COL6A1: variants seen among roughly 807,000 people sequenced by gnomAD.
COL6A1 encodes collagen alpha-1(VI) chain.
In COL6A1, 80 loss-of-function variants were observed where a neutral mutation model predicts 145.6. That is an observed-to-expected ratio of 0.55 (90% CI 0.46 to 0.66). The LOEUF is 0.66. Ranked by LOEUF, COL6A1 falls within the 30% of genes least tolerant of loss-of-function variation. COL6A1 has a pLI of 0.00. For missense variants in COL6A1, 1,364 were observed against 1,473.8 expected (o/e 0.93, Z 1.22); for synonymous variants, 638 against 622.8 (o/e 1.02, Z -0.36).
chr21:45,987,208 G>T (rs1441856061), intron 6 of COL6A1, 33 bp downstream of exon 6: 1 of 1,588,498 alleles, frequency 6.3e-7, no homozygotes, highest in South Asian at 1.1e-5. Context: ...CCAGCCGTGA[G>T]TCTGCACACG....
At position 45,984,310 on chromosome 21, in the gene COL6A1, C is replaced by T. The variant is rs766517983; in HGVS notation, c.269C>T (p.Ala90Val). ...CDRNLVWNAGALHYSDEVEII... is the reference protein window; with the variant it reads ...CDRNLVWNAGVLHYSDEVEII... ...CGAAACCTGGTGTGGAACGCAGGCGCGCTGCACTACAGTGACGAGGTGGAG... is the reference window on the plus strand; with the variant it reads ...CGAAACCTGGTGTGGAACGCAGGCGTGCTGCACTACAGTGACGAGGTGGAG... The change falls in exon 3 of 35, where the codon GCG becomes GTG. Residue 90 changes from alanine to valine, a missense_variant. By Grantham distance (64) the Ala-to-Val change is moderately conservative. Coordinates refer to ENST00000361866, the MANE Select transcript of COL6A1 (RefSeq NM_001848.3). 77 of 1,611,478 alleles carry T rather than the reference C, an allele frequency of 4.8e-5. 1 individual carries two copies. The South Asian group carries it at 6.3e-4, about 13-fold the overall frequency.
chr21:45,995,987 C>T (rs760315070), intron 20 of COL6A1, among the ~76,000 whole-genome samples: 3 of 152,248 alleles, frequency 2.0e-5, no homozygotes, highest in African/African-American at 7.2e-5. Context: ...CTTACCCCTC[C>T]CCTCCACCCT....
In COL6A1 at chr21:45,984,468, G is replaced by C; in HGVS notation, c.427G>C (p.Gly143Arg). The C allele has an allele frequency of 6.2e-7, 1 of 1,609,360 alleles. No individual in the cohort carries two copies. Among genetic ancestry groups the C allele is most frequent in the African/African-American group, 1.3e-5 (1 of 75,064 alleles). Residue 143 changes from glycine to arginine, a missense_variant and splice_region_variant, in exon 3 of 35, where the codon GGG becomes CGG. Transcript: ENST00000361866. ...IKKGLEQLLVGGSHLKENKYL... is the reference protein window; with the variant it reads ...IKKGLEQLLVRGSHLKENKYL... ...GAAGGGGCTGGAGCAGCTCCTCGTG[G>C]GGTGAGTGGCCCCCAGCCTCCTGCC...
Position 45,994,621 on chromosome 21 carries a change from C to G in COL6A1, c.1398+392C>G, listed in dbSNP as rs929268855. Among the ~76,000 whole-genome samples the G allele has an allele frequency of 1.3e-5, 2 of 152,130 alleles. No individual in the cohort carries two copies. Among genetic ancestry groups the G allele is most frequent in the Non-Finnish European group, 2.9e-5 (2 of 68,022 alleles). ...GCCAGGCATGACTGTGGCTGGAGGT[C>G]AACTGGGGAGTGTGAGGCTATGGAG... On this transcript the variant is annotated intron_variant, in intron 20 of 34. Transcript: ENST00000361866. The surrounding 1 kb of genome is among the most constrained non-coding windows in gnomAD (Gnocchi z 6.8).
intron 4 of COL6A1, 73 bp from the exon 5 acceptor site, chr21:45,986,871 T>C: frequency 6.5e-7 from 1 of 1,533,352 alleles, no homozygotes; most frequent in Non-Finnish European, 8.7e-7. Context: ...GCCTCCCCTC[T>C]GGCCCTGTGG....
chr21:45,997,698 A>G lies in COL6A1; in HGVS notation c.1462-2A>G. 1 of 1,586,260 alleles carries G rather than the reference A, an allele frequency of 6.3e-7. No homozygotes were observed. The highest frequency in any genetic ancestry group is 8.6e-7 in the Non-Finnish European group (1 of 1,166,200). ...CCCCTCACGCCTCCTCTTCCTCCTC[A>G]GGGTGCCAGAGGAGCCCCAGGACCT... is the stretch of plus-strand genomic sequence containing the variant. On this transcript the variant is annotated splice_acceptor_variant, in intron 21 of 34. Coordinates refer to ENST00000361866, the MANE Select transcript of COL6A1 (RefSeq NM_001848.3). LOFTEE classifies it high-confidence loss of function.
chr21:45,990,306 G>A lies in COL6A1; in HGVS notation c.957+22G>A, dbSNP rs369103301. On this transcript the variant is annotated intron_variant, in intron 12 of 34. Transcript: ENST00000361866. Reference sequence around the variant, plus strand: ...CAAGGTGAGCGTGGGCTGCTGGGAGGGGGGAGTTCTGCCCCCACGGCAGCA... The same window carrying A: ...CAAGGTGAGCGTGGGCTGCTGGGAGAGGGGAGTTCTGCCCCCACGGCAGCA... 5.0e-6 allele frequency: 8 copies of A among 1,612,676 alleles called. No individual in the cohort carries two copies. In the Admixed American group the frequency reaches 5.0e-5, roughly 10 times the overall value.
chr21:45,982,264 G>A (rs1482732529), intron 1 of COL6A1, among the ~76,000 whole-genome samples: 4 of 151,382 alleles, frequency 2.6e-5, no homozygotes, highest in Non-Finnish European at 5.9e-5. Flanking sequence ...TCACCTGGCA[G>A]TGAGTCCAGA....
At chr21:45,990,051 ACCCTCTGCGGAGCCGGGGGTCCCCCG>A (rs1569518185) in intron 11 of COL6A1, among the ~76,000 whole-genome samples, 181 bp from the exon 12 acceptor site, 4 of 141,086 alleles carry the variant, frequency 2.8e-5, no homozygotes, top group South Asian at 2.2e-4. Flanking sequence ...CCGGGCGGTT[ACCCTCTGCGGAGCCGGGGGTCCCCCG>A]GGCGGTTACC....
chr21:45,991,102 G>C (rs2077774596), intron 15 of COL6A1, 61 bp downstream of exon 15: 3 of 1,569,986 alleles, frequency 1.9e-6, no homozygotes, highest in Admixed American at 3.4e-5. Flanking sequence ...CGCTGAATTG[G>C]AAACCTCTCC....
chr21:45,982,016 G>C (rs1253781772), intron 1 of COL6A1, 69 bp downstream of exon 1: 5 of 1,289,846 alleles, frequency 3.9e-6, no homozygotes, highest in East Asian at 5.0e-5. Flanking sequence ...CCAGATGCGC[G>C]GGGTCCCCTC....
chr21:45,997,582 C>CT, intron 21 of COL6A1, 99 bp downstream of exon 21: 1 of 1,538,408 alleles, frequency 6.5e-7, no homozygotes, highest in Non-Finnish European at 8.9e-7. Context: ...TCTGAGGACT[C>CT]TATGGCCCTG....
At chr21:45,987,331 C>T (rs1322296187) in intron 6 of COL6A1, 156 bp downstream of exon 6, 7 of 1,466,040 alleles carry the variant, frequency 4.8e-6, no homozygotes, top group Non-Finnish European at 6.6e-6. Context: ...GATGTGTGTC[C>T]CCCTGCGTGT....
At chr21:45,986,016 G>A (rs1034932772) in intron 3 of COL6A1, among the ~76,000 whole-genome samples, 8 of 152,194 alleles carry the variant, frequency 5.3e-5, no homozygotes, top group Admixed American at 6.5e-5. Flanking sequence ...CAGGCTGCCC[G>A]ACTGCCCTGC....
Position 46,002,035 on chromosome 21 carries a change from C to T in COL6A1, c.2031C>T (p.Arg677=), listed in dbSNP as rs200331917. The T allele has an allele frequency of 6.2e-7, 1 of 1,612,520 alleles. No homozygotes were observed. The highest frequency in any genetic ancestry group is 8.5e-7 in the Non-Finnish European group (1 of 1,179,814). ...AGATGCAGGAGCACGTGAGCCTGCG[C>T]AGCCCCAGCATCCGGAACGTGCAGG... ...HSQMQEHVSL[R]SPSIRNVQEL... The change falls in exon 31 of 35, where the codon CGC becomes CGT. Residue 677 remains arginine (R), a synonymous_variant. Transcript: ENST00000361866.
At chr21:45,990,897 C>T in intron 14 of COL6A1, 71 bp downstream of exon 14, 3 of 1,609,682 alleles carry the variant, frequency 1.9e-6, no homozygotes, top group Non-Finnish European at 2.5e-6. Context: ...ACCGTTTTGA[C>T]TTCTGTCTGG....
rs2077848605 is a variant in COL6A1 at position 46,001,995 on chromosome 21, A to C, written c.1991A>C (p.Gln664Pro). The C allele has an allele frequency of 1.2e-6, 2 of 1,612,548 alleles. No individual in the cohort carries two copies. The highest frequency in any genetic ancestry group is 1.7e-6 in the Non-Finnish European group (2 of 1,179,882). Residue 664 changes from glutamine to proline, a missense_variant, in exon 31 of 35, where the codon CAG becomes CCG. Around this residue, in one of 3 missense-constraint regions of COL6A1, gnomAD observed 938 missense variants for 1,003.8 expected, o/e 0.93. Transcript: ENST00000361866. ...GGGCAGTCGTACGCGGGTGTGGTGC[A>C]GTACAGCCACAGCCAGATGCAGGAG... ...EPGQSYAGVV[Q>P]YSHSQMQEHV... is the part of the protein sequence containing the mutation.
At chr21:45,998,989 C>T in intron 25 of COL6A1, 30 bp downstream of exon 25, 2 of 1,550,482 alleles carry the variant, frequency 1.3e-6, no homozygotes, top group South Asian at 2.4e-5. Context: ...AGGGCCAGCC[C>T]CAAGTCCACC....
intron 18 of COL6A1, 140 bp from the exon 19 acceptor site, chr21:45,992,607 AC>A: frequency 9.5e-7 from 1 of 1,053,842 alleles, no homozygotes; most frequent in South Asian, 1.5e-5. Context: ...GGCCTCTGCA[AC>A]CGTGGGGCAT....
Sources: gnomAD v4.1 joint callset for allele counts (sites outside exome capture counted in the v4.1 genomes callset) on GRCh38, gnomAD v4.1.1 for gene constraint, gnomAD v4.1.1 regional missense constraint, Gnocchi (gnomAD v3.1) non-coding constraint, MANE v1.5 for transcripts, NCBI Gene and HGNC (gene_info 2026-07-23, HGNC 2026-07-21) for gene names.